The following TTC29 variants were observed in gnomAD, a reference collection of about 807,000 sequenced individuals.
TTC29 encodes tetratricopeptide repeat protein 29.
A neutral mutation model predicts 58.1 loss-of-function variants in TTC29; 49 were observed. The observed-to-expected ratio is 0.84, with a 90% CI of 0.67 to 1.07. TTC29 has a LOEUF of 1.07. Among genes scored for constraint, TTC29 ranks in the 50% least tolerant of loss-of-function variants. TTC29 has a pLI of 0.00. For missense variants in TTC29, 582 were observed against 555.6 expected, an observed-to-expected ratio of 1.05 and a Z score of -0.48; for synonymous variants, 209 against 196.8, an observed-to-expected ratio of 1.06 and a Z score of -0.52.
rs1579884121 is a variant in TTC29, at chr4:146,874,896, C to T, written c.619G>A (p.Ala207Thr). 3 of 1,613,428 alleles carry T rather than the reference C, an allele frequency of 1.9e-6. No homozygotes were observed. The South Asian group carries it at 3.3e-5, about 18-fold the overall frequency. ...QLLEAAEHYE[A>T]FHQLTQGRIW... The stretch of plus-strand genomic sequence containing the variant: ...CGCCCCTGTGTCAATTGATGGAATG[C>T]TTCATAATGCTCAGCAGCTTCCAGA... Residue 207 changes from alanine (A) to threonine (T), a missense_variant, in exon 7 of 13, where the codon GCA (alanine) becomes ACA (threonine). Physicochemically the swap from Ala to Thr is moderately conservative, Grantham distance 58. Transcript: ENST00000325106.
intron 5 of TTC29, among the ~76,000 whole-genome samples, chr4:146,907,261 T>A (rs989561636): frequency 2.0e-5 from 3 of 152,208 alleles, no homozygotes; most frequent in Non-Finnish European, 4.4e-5. Flanking sequence ...TAGGTTCTTA[T>A]AAATTTGAAA....
chr4:146,752,574 A>C (rs1746093829), intron 11 of TTC29, among the ~76,000 whole-genome samples: 1 of 151,908 alleles, frequency 6.6e-6, no homozygotes, highest in African/African-American at 2.4e-5. Flanking sequence ...ATGGAACCAA[A>C]AAAGAGCCCA....
intron 10 of TTC29, among the ~76,000 whole-genome samples, chr4:146,814,213 C>T (rs574686712): frequency 8.5e-4 from 129 of 152,120 alleles, no homozygotes; most frequent in African/African-American, 3.1e-3. Context: ...CCAAATTAAA[C>T]AACAATAATA....
At chr4:146,769,316 T>G (rs1747549062) in intron 11 of TTC29, among the ~76,000 whole-genome samples, 1 of 152,018 alleles carries the variant, frequency 6.6e-6, no homozygotes, top group African/African-American at 2.4e-5. Context: ...ATAAAAATAC[T>G]ATATCTGATA....
chr4:146,715,806 G>A (rs1423219959), intron 11 of TTC29, among the ~76,000 whole-genome samples: 3 of 152,106 alleles, frequency 2.0e-5, no homozygotes, highest in East Asian at 3.9e-4. Flanking sequence ...AATGTTTGAG[G>A]TGATGGCTAT....
At chr4:146,768,592 TA>T (rs1747500172) in intron 11 of TTC29, among the ~76,000 whole-genome samples, 1 of 151,928 alleles carries the variant, frequency 6.6e-6, no homozygotes, top group African/African-American at 2.4e-5. Context: ...TTAACACAAC[TA>T]GGCTGGCTGA....
intron 11 of TTC29, among the ~76,000 whole-genome samples, chr4:146,770,158 T>C (rs956285061): frequency 1.1e-3 from 162 of 152,074 alleles, no homozygotes; most frequent in African/African-American, 3.8e-3. Context: ...TTAATGCCTA[T>C]TTAAATCCAA....
intron 4 of TTC29, among the ~76,000 whole-genome samples, chr4:146,928,809 T>C (rs1437179684): frequency 6.6e-6 from 1 of 152,180 alleles, no homozygotes; most frequent in Non-Finnish European, 1.5e-5. Context: ...CAGTCAAATA[T>C]CTACAGAGCA....
At chr4:146,924,128 T>C (rs1040982687) in intron 4 of TTC29, among the ~76,000 whole-genome samples, 5 of 151,930 alleles carry the variant, frequency 3.3e-5, no homozygotes, top group South Asian at 2.1e-4. Flanking sequence ...GCTATATTAC[T>C]TTTCTGCACT....
At chr4:146,942,527 T>G in intron 2 of TTC29, 1 of 1,115,766 alleles carries the variant, frequency 9.0e-7, no homozygotes, top group Non-Finnish European at 1.3e-6. Flanking sequence ...AAGTTATAAC[T>G]CATGTGAGGT....
chr4:146,905,427 G>T (rs1560704390), intron 5 of TTC29, among the ~76,000 whole-genome samples: 1 of 142,100 alleles, frequency 7.0e-6, no homozygotes. Context: ...ATTTCATAAG[G>T]TTTTTTTTTT....
At chr4:146,917,213 T>G (rs1389671978) in intron 4 of TTC29, among the ~76,000 whole-genome samples, 1 of 150,738 alleles carries the variant, frequency 6.6e-6, no homozygotes, top group African/African-American at 2.4e-5. Context: ...TTATAGTCAT[T>G]ACAACTAGAA....
At chr4:146,872,588 C>T (rs183497607) in intron 7 of TTC29, among the ~76,000 whole-genome samples, 46 of 151,768 alleles carry the variant, frequency 3.0e-4, no homozygotes, top group African/African-American at 9.7e-4. Context: ...TGAATAAAAA[C>T]GTCTGCCGAG....
At chr4:146,921,112 C>T (rs769937704) in intron 4 of TTC29, among the ~76,000 whole-genome samples, 34 of 151,346 alleles carry the variant, frequency 2.2e-4, no homozygotes, top group African/African-American at 7.3e-4. Flanking sequence ...AGTAAGTGTG[C>T]GCTGCGCACA....
At chr4:146,848,157 G>C (rs984607217) in intron 8 of TTC29, among the ~76,000 whole-genome samples, 1 of 152,192 alleles carries the variant, frequency 6.6e-6, no homozygotes, top group Non-Finnish European at 1.5e-5. Flanking sequence ...AAAGAAACGT[G>C]AGTGGAAGGC....
At chr4:146,931,563 A>G (rs567228786) in intron 4 of TTC29, among the ~76,000 whole-genome samples, 1 of 152,350 alleles carries the variant, frequency 6.6e-6, no homozygotes, top group Admixed American at 6.5e-5. Flanking sequence ...CCTTAAGACA[A>G]TACAGGTATT....
At chr4:146,874,654 C>G (rs1174997138) in intron 7 of TTC29, 62 bp downstream of exon 7, 2 of 1,329,510 alleles carry the variant, frequency 1.5e-6, no homozygotes, top group Admixed American at 4.0e-5. Flanking sequence ...TTACTTCACT[C>G]TTGGGAGAAA....
At chr4:146,886,557 G>A (rs935646442) in intron 6 of TTC29, among the ~76,000 whole-genome samples, 13 of 152,160 alleles carry the variant, frequency 8.5e-5, no homozygotes, top group African/African-American at 3.1e-4. Flanking sequence ...GTGGGCTAGG[G>A]TAGGGCTGAG....
At chr4:146,710,915 C>T (rs1237986308) in intron 11 of TTC29, among the ~76,000 whole-genome samples, 3 of 151,956 alleles carry the variant, frequency 2.0e-5, no homozygotes, top group Admixed American at 2.0e-4. Context: ...CCATCGCATC[C>T]CTTTTTTGAA....
Sources: gnomAD v4.1 joint callset for allele counts (sites outside exome capture counted in the v4.1 genomes callset) on GRCh38, gnomAD v4.1.1 for gene constraint, MANE v1.5 for transcripts, NCBI Gene and HGNC (gene_info 2026-07-23, HGNC 2026-07-21) for gene names.